The following NCS1 variants were observed in gnomAD, a reference collection of about 807,000 sequenced individuals.
NCS1 encodes the protein neuronal calcium sensor 1, also known as frequenin homolog.
Under a neutral mutation model 28.4 loss-of-function variants are expected in NCS1, and 6 were observed. The ratio of observed to expected loss-of-function variants is 0.21; its 90% CI spans 0.12 to 0.42. The LOEUF is 0.42. Ranked by LOEUF, NCS1 falls within the 10% of genes least tolerant of loss-of-function variation. The pLI is 1.00. For missense variants in NCS1, 131 were observed against 241.4 expected (o/e 0.54, Z 3.03); for synonymous variants, 86 against 99.3 (o/e 0.87, Z 0.79).
intron 2 of NCS1, among the ~76,000 whole-genome samples, chr9:130,204,852 G>A (rs1165957231): frequency 3.3e-5 from 5 of 152,162 alleles, no homozygotes; most frequent in Admixed American, 3.3e-4. Context: ...CCCTGAGATT[G>A]AGGACTTTCT....
chr9:130,184,531 G>A (rs1832714432), intron 1 of NCS1, among the ~76,000 whole-genome samples: 1 of 152,206 alleles, frequency 6.6e-6, no homozygotes, highest in Admixed American at 6.5e-5. Flanking sequence ...CTATAAAACA[G>A]GAAGACAATG....
At position 130,222,670 on chromosome 9, in the gene NCS1, T is replaced by G. The variant is rs1554910735; in HGVS notation, c.328T>G (p.Leu110Val). ...TACAGGGGCCTTCAAGCTCTACGAC[T>G]TGGACAATGATGGCTACATCACCAG... ...KLRWAFKLYD[L>V]DNDGYITRNE... is the part of the protein sequence containing the mutation. The change falls in exon 5 of 8, where the codon TTG becomes GTG. Residue 110 changes from leucine (L) to valine (V), a missense_variant. By Grantham distance (32) the Leu-to-Val change is conservative (BLOSUM62 1). Coordinates refer to ENST00000372398, the MANE Select transcript of NCS1 (RefSeq NM_014286.4). 1.9e-6 allele frequency: 3 copies of G among 1,613,884 alleles called. No individual in the cohort carries two copies. Among genetic ancestry groups the G allele is most frequent in the East Asian group, 2.2e-5 (1 of 44,874 alleles).
At chr9:130,230,054 A>C (rs1179179621) in intron 7 of NCS1, among the ~76,000 whole-genome samples, 1 of 152,102 alleles carries the variant, frequency 6.6e-6, no homozygotes, top group Non-Finnish European at 1.5e-5. Flanking sequence ...AGGGATTAAA[A>C]AGTTATCTAT....
At chr9:130,178,396 C>G (rs1406798309) in intron 1 of NCS1, among the ~76,000 whole-genome samples, 1 of 152,234 alleles carries the variant, frequency 6.6e-6, no homozygotes, top group African/African-American at 2.4e-5. Context: ...TTCTCCCTTC[C>G]CTACATCACC....
chr9:130,191,238 C>T lies in NCS1; in HGVS notation c.65-9720C>T, dbSNP rs759928991. Among the ~76,000 whole-genome samples, 4 of 152,142 alleles carry T rather than the reference C, an allele frequency of 2.6e-5. No homozygotes were observed. The highest frequency in any genetic ancestry group is 5.9e-5 in the Non-Finnish European group (4 of 68,006). On this transcript the variant is annotated intron_variant, in intron 1 of 7. Transcript: ENST00000372398. This position sits in a 1 kb window ranked among gnomAD's most constrained non-coding sequence, Gnocchi z 6.4. ...CCCTGCTGGACTGTGTGTCCCAAGC[C>T]GAGAGCCTGGCTTTAGAGGGCCTCG...
At chr9:130,220,467 G>A (rs1348647994) in intron 4 of NCS1, among the ~76,000 whole-genome samples, 4 of 152,106 alleles carry the variant, frequency 2.6e-5, no homozygotes, top group Admixed American at 1.3e-4. Flanking sequence ...CCTGGTAGGC[G>A]CAGAGCTGGG....
chr9:130,172,679 A>G lies in NCS1; in HGVS notation c.16A>G (p.Ser6Gly). 1 of 1,500,614 alleles carries G rather than the reference A, an allele frequency of 6.7e-7. No individual in the cohort carries two copies. Among genetic ancestry groups the G allele is most frequent in the Non-Finnish European group, 8.9e-7 (1 of 1,118,334 alleles). The allele number at this position is 1,500,614 out of a possible 1,614,324, so 93.0% of individuals were successfully genotyped here. Reference sequence around the variant, plus strand: ...GCCGCCGAGGATGGGGAAATCCAACAGCAAGTTGAAGCCCGAAGTTGTGGA... The same window carrying G: ...GCCGCCGAGGATGGGGAAATCCAACGGCAAGTTGAAGCCCGAAGTTGTGGA... MGKSN[S>G]KLKPEVVEEL... is the part of the protein sequence containing the mutation. The change falls in exon 1 of 8, where the codon AGC becomes GGC. Residue 6 changes from serine to glycine, a missense_variant. Ser to Gly is a moderately conservative substitution (Grantham distance 56, BLOSUM62 0). Coordinates refer to ENST00000372398, the MANE Select transcript of NCS1 (RefSeq NM_014286.4).
chr9:130,203,163 GTCTC>G (rs1273802620), intron 2 of NCS1, among the ~76,000 whole-genome samples: 50 of 146,248 alleles, frequency 3.4e-4, no homozygotes, highest in African/African-American at 1.2e-3. Context: ...TTGAGACAGA[GTCTC>G]TCTGCTCTGT....
chr9:130,182,055 T>C (rs559147808), intron 1 of NCS1, among the ~76,000 whole-genome samples: 2 of 151,808 alleles, frequency 1.3e-5, no homozygotes, highest in Non-Finnish European at 2.9e-5. Context: ...AGTATTGTGG[T>C]TGGGGGGAGA....
intron 1 of NCS1, among the ~76,000 whole-genome samples, chr9:130,190,758 C>T (rs1564704942): frequency 6.6e-6 from 1 of 152,204 alleles, no homozygotes; most frequent in Non-Finnish European, 1.5e-5. Flanking sequence ...ATAAACCTGG[C>T]CTCCATCTCC....
intron 2 of NCS1, among the ~76,000 whole-genome samples, chr9:130,211,432 A>C (rs1483472248): frequency 6.6e-6 from 1 of 151,344 alleles, no homozygotes; most frequent in Non-Finnish European, 1.5e-5. Context: ...ACTCGGGATA[A>C]CGGGTTGTTC....
In NCS1 at chr9:130,234,799, C is replaced by G. The variant is rs2131167596; in HGVS notation, c.*1827C>G. On this transcript the variant is annotated 3_prime_UTR_variant, in exon 8 of 8. Transcript: ENST00000372398. This position sits in a 1 kb window ranked among gnomAD's most constrained non-coding sequence, Gnocchi z 6.1. ...CAGACCCTTGAGCGCTCTTTGGGAC[C>G]CAGAAGGAGTCCTTGCACAGGGAAG... The G allele has an allele frequency of 6.6e-6, 1 of 152,334 alleles. No individual in the cohort carries two copies. Among genetic ancestry groups the G allele is most frequent in the South Asian group, 2.1e-4 (1 of 4,826 alleles). 9.4% of individuals were successfully genotyped at this position (152,334 alleles called of 1,614,324 possible).
chr9:130,210,127 G>T (rs577666516), intron 2 of NCS1, among the ~76,000 whole-genome samples: 6 of 152,054 alleles, frequency 3.9e-5, no homozygotes, highest in Non-Finnish European at 8.8e-5. Flanking sequence ...CCGGCCAGGC[G>T]CGATGGCTCA....
At chr9:130,185,019 G>C (rs1042192197) in intron 1 of NCS1, among the ~76,000 whole-genome samples, 1 of 149,038 alleles carries the variant, frequency 6.7e-6, no homozygotes, top group Non-Finnish European at 1.5e-5. Context: ...CACCGCGCCC[G>C]GCCATCCCAG....
chr9:130,178,766 A>G (rs1192793954), intron 1 of NCS1, among the ~76,000 whole-genome samples: 2 of 144,104 alleles, frequency 1.4e-5, no homozygotes, highest in Non-Finnish European at 3.0e-5. Flanking sequence ...GAACTGGAGT[A>G]TCGGTGGGGA....
chr9:130,197,988 C>T (rs1211273161), intron 1 of NCS1, among the ~76,000 whole-genome samples: 2 of 150,054 alleles, frequency 1.3e-5, no homozygotes, highest in African/African-American at 2.4e-5. Flanking sequence ...AAAAAAAGGC[C>T]CTCCAAGGCC....
intron 1 of NCS1, among the ~76,000 whole-genome samples, chr9:130,185,602 C>A (rs911006971): frequency 6.6e-6 from 1 of 152,214 alleles, no homozygotes; most frequent in Admixed American, 6.5e-5. Flanking sequence ...CCCCTCCTCC[C>A]GGCCCTGCTC....
At position 130,233,901 on chromosome 9, in the gene NCS1, A is replaced by G. The variant is rs535314573; in HGVS notation, c.*929A>G. The G allele has an allele frequency of 1.3e-5, 2 of 152,244 alleles. No individual in the cohort carries two copies. Among genetic ancestry groups the G allele is most frequent in the East Asian group, 3.9e-4 (2 of 5,176 alleles). The allele number at this position is 152,244 out of a possible 1,614,324, so 9.4% of individuals were successfully genotyped here. A position where few individuals can be genotyped will look rare whatever the true frequency, so the allele number is the denominator to read the frequency against. ...CCTCCAGCCCGAATGCCTCCTGCCAAACCCCTTTTCCCTGCTGCCTCTGTC... is the reference window on the plus strand; with the variant it reads ...CCTCCAGCCCGAATGCCTCCTGCCAGACCCCTTTTCCCTGCTGCCTCTGTC... On this transcript the variant is annotated 3_prime_UTR_variant, in exon 8 of 8. Transcript: ENST00000372398. The surrounding 1 kb of genome is among the most constrained non-coding windows in gnomAD (Gnocchi z 4.8).
At chr9:130,189,486 T>A (rs1287331434) in intron 1 of NCS1, among the ~76,000 whole-genome samples, 1 of 152,042 alleles carries the variant, frequency 6.6e-6, no homozygotes, top group African/African-American at 2.4e-5. Context: ...CGGGGTCGGC[T>A]CTGAAATGTT....
Sources: allele counts gnomAD v4.1 joint callset (sites outside exome capture counted in the v4.1 genomes callset), GRCh38; gene constraint gnomAD v4.1.1; non-coding constraint Gnocchi (gnomAD v3.1); transcripts MANE v1.5; gene names NCBI Gene and HGNC (gene_info 2026-07-23, HGNC 2026-07-21).